Variants in THSD7B observed in about 807,000 individuals in gnomAD.
THSD7B encodes the protein thrombospondin type-1 domain-containing protein 7B.
In THSD7B, 138 loss-of-function variants were observed where a neutral mutation model predicts 213.6. The ratio of observed to expected loss-of-function variants is 0.65; its 90% CI spans 0.56 to 0.74. The LOEUF (loss-of-function observed/expected upper bound fraction) is 0.74, where lower values mean the gene tolerates loss of function less well. Among genes scored for constraint, THSD7B ranks in the 30% least tolerant of loss-of-function variants. THSD7B has a pLI of 0.00. For missense variants in THSD7B, 1,931 were observed against 1,991.5 expected, an observed-to-expected ratio of 0.97 and a Z score of 0.58; for synonymous variants, 742 against 687.0, an observed-to-expected ratio of 1.08 and a Z score of -1.25.
intron 12 of THSD7B, among the ~76,000 whole-genome samples, chr2:137,373,574 G>A (rs1243764859): frequency 2.0e-5 from 3 of 152,098 alleles, no homozygotes; most frequent in African/African-American, 7.2e-5. Context: ...ATTTGTTTGA[G>A]TTCATTGTAG....
intron 1 of THSD7B, among the ~76,000 whole-genome samples, chr2:136,792,878 A>T (rs1370244762): frequency 6.6e-6 from 1 of 151,984 alleles, no homozygotes; most frequent in Admixed American, 6.6e-5. Context: ...TCTTACCAGG[A>T]TGTTTTCAAA....
At chr2:137,181,745 T>C (rs1370867134) in intron 7 of THSD7B, among the ~76,000 whole-genome samples, 1 of 152,136 alleles carries the variant, frequency 6.6e-6, no homozygotes, top group Non-Finnish European at 1.5e-5. Flanking sequence ...CACTCCCCCA[T>C]GGATTGACAG....
At chr2:136,954,777 T>C (rs1685098508) in intron 2 of THSD7B, among the ~76,000 whole-genome samples, 1 of 151,726 alleles carries the variant, frequency 6.6e-6, no homozygotes, top group South Asian at 2.1e-4. Context: ...TTATTGTTTC[T>C]TTTGACTGTT....
At chr2:137,071,564 A>G (rs1251936075) in intron 3 of THSD7B, among the ~76,000 whole-genome samples, 3 of 152,170 alleles carry the variant, frequency 2.0e-5, no homozygotes, top group African/African-American at 4.8e-5. Context: ...TAGTTTAATT[A>G]GATCCCATTT....
At chr2:136,989,019 G>C (rs1197477997) in intron 2 of THSD7B, among the ~76,000 whole-genome samples, 1 of 152,196 alleles carries the variant, frequency 6.6e-6, no homozygotes, top group Non-Finnish European at 1.5e-5. Context: ...AATGAAAGCA[G>C]GGTATTGGGG....
At chr2:136,927,839 C>T (rs1684565779) in intron 2 of THSD7B, among the ~76,000 whole-genome samples, 1 of 152,204 alleles carries the variant, frequency 6.6e-6, no homozygotes, top group Admixed American at 6.5e-5. Context: ...TACTGCACAA[C>T]AGTTGTTTCT....
intron 14 of THSD7B, 108 bp from the exon 15 acceptor site, chr2:137,450,737 C>G: frequency 1.2e-6 from 1 of 828,030 alleles, no homozygotes; most frequent in Non-Finnish European, 1.8e-6. Flanking sequence ...ATTGAAGCCA[C>G]TACAGCAATA....
chr2:136,864,463 G>A (rs963422461), intron 1 of THSD7B, among the ~76,000 whole-genome samples: 2 of 152,240 alleles, frequency 1.3e-5, no homozygotes, highest in African/African-American at 4.8e-5. Flanking sequence ...AAAATTTAAT[G>A]TATGTATTTT....
chr2:136,828,473 G>T (rs71348718), intron 1 of THSD7B, among the ~76,000 whole-genome samples: 23,481 of 151,984 alleles, frequency 0.15, 2,447 homozygotes, highest in East Asian at 0.37. Context: ...CCCCATATCT[G>T]CTCCTGTCTT....
chr2:137,043,469 C>T (rs978579901), intron 2 of THSD7B, among the ~76,000 whole-genome samples: 3 of 152,136 alleles, frequency 2.0e-5, no homozygotes, highest in African/African-American at 7.2e-5. Flanking sequence ...GGCAGCCATT[C>T]GTTCTCTGGG....
chr2:136,986,618 CA>C (rs1243737585), intron 2 of THSD7B, among the ~76,000 whole-genome samples: 1 of 152,176 alleles, frequency 6.6e-6, no homozygotes, highest in African/African-American at 2.4e-5. Context: ...AAGCAAATAA[CA>C]AGCTTCTAAA....
rs191064626 is a variant in THSD7B at position 136,893,730 on chromosome 2, T to G, written c.139+11413T>G. Among the ~76,000 whole-genome samples the G allele has an allele frequency of 1.1e-3, 160 of 152,298 alleles. 1 individual carries two copies. The highest frequency in any genetic ancestry group is 9.3e-3 in the South Asian group (45 of 4,830). On this transcript the variant is annotated intron_variant, in intron 2 of 27. Transcript: ENST00000409968. ...TGGATTTACCCTATTTATGCAGTTA[T>G]TTTGATATTTCACTAAAGTTCCCAA...
rs369863644 is a variant in THSD7B at position 137,315,024 on chromosome 2, T to G, written c.2500+38998T>G. Among the ~76,000 whole-genome samples, 1,333 of 152,242 alleles carry G rather than the reference T, an allele frequency of 8.8e-3. 21 individuals are homozygous for G. Among genetic ancestry groups the G allele is most frequent in the East Asian group, 0.054 (278 of 5,146 alleles). ...GGCAGGCAGGCCTCCTTGAGCTGTG[T>G]TGGGCTCCACCCAGTTCGAGCTTCC... is the stretch of plus-strand genomic sequence containing the variant. On this transcript the variant is annotated intron_variant, in intron 12 of 27. Coordinates refer to ENST00000409968, the MANE Select transcript of THSD7B (RefSeq NM_001316349.2).
intron 1 of THSD7B, among the ~76,000 whole-genome samples, chr2:136,879,347 G>C (rs1683579825): frequency 6.6e-6 from 1 of 152,160 alleles, no homozygotes; most frequent in Non-Finnish European, 1.5e-5. Flanking sequence ...AAGTCAGGTA[G>C]CGTGATGCCT....
chr2:137,656,523 C>A (rs540861467), intron 22 of THSD7B, among the ~76,000 whole-genome samples: 1 of 152,156 alleles, frequency 6.6e-6, no homozygotes, highest in African/African-American at 2.4e-5. Flanking sequence ...TTAACACTAG[C>A]AGATACATAA....
intron 12 of THSD7B, among the ~76,000 whole-genome samples, chr2:137,385,956 C>T (rs1420739427): frequency 6.6e-6 from 1 of 152,158 alleles, no homozygotes; most frequent in African/African-American, 2.4e-5. Flanking sequence ...ACCATGATTT[C>T]CACAGATGTG....
At chr2:137,379,342 C>T (rs555036646) in intron 12 of THSD7B, among the ~76,000 whole-genome samples, 2 of 152,176 alleles carry the variant, frequency 1.3e-5, no homozygotes, top group Non-Finnish European at 2.9e-5. Flanking sequence ...ATGGTACTTA[C>T]GAGTCAATTA....
intron 17 of THSD7B, among the ~76,000 whole-genome samples, chr2:137,605,807 TA>T (rs1682165115): frequency 1.3e-5 from 2 of 152,048 alleles, no homozygotes; most frequent in East Asian, 3.9e-4. Context: ...TAGCTGGGGT[TA>T]CAGGCGCTTG....
intron 1 of THSD7B, among the ~76,000 whole-genome samples, chr2:136,820,790 A>G (rs1418857644): frequency 6.6e-6 from 1 of 152,222 alleles, no homozygotes; most frequent in Non-Finnish European, 1.5e-5. Flanking sequence ...ATACATATGA[A>G]GTATTTGAAA....
Sources: gnomAD v4.1 joint callset for allele counts (sites outside exome capture counted in the v4.1 genomes callset) on GRCh38, gnomAD v4.1.1 for gene constraint, MANE v1.5 for transcripts, NCBI Gene and HGNC (gene_info 2026-07-23, HGNC 2026-07-21) for gene names.